The following TMEM181 variants were observed in gnomAD, a reference collection of about 807,000 sequenced individuals.
The protein encoded by TMEM181 is G protein-coupled receptor 178.
A neutral mutation model predicts 71.9 loss-of-function variants in TMEM181; 39 were observed. The observed-to-expected ratio is 0.54, with a 90% CI of 0.42 to 0.71. The LOEUF is 0.71. Ranked by LOEUF, TMEM181 falls within the 30% of genes least tolerant of loss-of-function variation. The pLI is 0.00. For missense variants in TMEM181, 595 were observed against 583.0 expected, an observed-to-expected ratio of 1.02 and a Z score of -0.21; for synonymous variants, 245 against 228.8, an observed-to-expected ratio of 1.07 and a Z score of -0.64.
chr6:158,573,469 G>C lies in TMEM181; in HGVS notation c.58G>C (p.Val20Leu). 1 of 1,605,608 alleles carries C rather than the reference G, an allele frequency of 6.2e-7. No homozygotes were observed. Among genetic ancestry groups the C allele is most frequent in the Non-Finnish European group, 8.5e-7 (1 of 1,176,150 alleles). Residue 20 changes from valine (V) to leucine (L), a missense_variant, in exon 2 of 17, where the codon GTG (valine) becomes CTG (leucine). Transcript: ENST00000684151. ...YTLSKRHFVL[V>L]FVVFFICFGL... is the part of the protein sequence containing the mutation. The stretch of plus-strand genomic sequence containing the variant: ...GCTCTCCAAGCGCCACTTTGTCCTC[G>C]TGTTTGTCGTCTTCTTCATCTGCTT...
rs1786722702 is a variant in TMEM181, at chr6:158,632,587, A to G, written c.*699A>G. The G allele has an allele frequency of 1.3e-5, 2 of 152,364 alleles. No individual in the cohort carries two copies. Among genetic ancestry groups the G allele is most frequent in the Non-Finnish European group, 1.5e-5 (1 of 68,200 alleles). 9.4% of individuals were successfully genotyped at this position (152,364 alleles called of 1,614,324 possible). ...GGCTAAGATAATTTACAGGTTACCA[A>G]CTCATGTGGGGAAGGTCTTACTGCC... is the stretch of plus-strand genomic sequence containing the variant. On this transcript the variant is annotated 3_prime_UTR_variant, in exon 17 of 17. Transcript: ENST00000684151.
chr6:158,616,640 T>C (rs1300391661), intron 10 of TMEM181, among the ~76,000 whole-genome samples: 1 of 152,202 alleles, frequency 6.6e-6, no homozygotes, highest in Non-Finnish European at 1.5e-5. Context: ...ATAGCTCTTA[T>C]TATTTTGAGA....
chr6:158,621,152 T>C (rs939979341), intron 10 of TMEM181, among the ~76,000 whole-genome samples: 7 of 152,188 alleles, frequency 4.6e-5, no homozygotes, highest in Admixed American at 1.3e-4. Context: ...ATGTGCTTAT[T>C]AGGACCCACT....
intron 6 of TMEM181, among the ~76,000 whole-genome samples, chr6:158,604,389 C>T (rs1230329726): frequency 1.3e-5 from 2 of 152,082 alleles, no homozygotes; most frequent in Non-Finnish European, 2.9e-5. Flanking sequence ...TCTATTTGTA[C>T]TGAAGTGGAT....
In TMEM181 at chr6:158,631,968, T is replaced by C; in HGVS notation, c.*80T>C. On this transcript the variant is annotated 3_prime_UTR_variant, in exon 17 of 17. Transcript: ENST00000684151. ...GTCTGCTGACCTTCCCCTGTTATAT[T>C]CAGATTTTTCTTACAAGCAGAGATT... The C allele has an allele frequency of 7.7e-7, 1 of 1,298,458 alleles. No individual in the cohort carries two copies. Among genetic ancestry groups the C allele is most frequent in the Non-Finnish European group, 1.1e-6 (1 of 931,120 alleles). 80.4% of individuals were successfully genotyped at this position (1,298,458 alleles called of 1,614,324 possible).
intron 1 of TMEM181, among the ~76,000 whole-genome samples, chr6:158,541,381 C>T (rs1306443483): frequency 6.6e-6 from 1 of 152,130 alleles, no homozygotes; most frequent in Non-Finnish European, 1.5e-5. Context: ...CATGCCATTG[C>T]ACTCCAGCCT....
At chr6:158,626,832 TCA>T (rs1319688336) in intron 13 of TMEM181, 89 of 404,168 alleles carry the variant, frequency 2.2e-4, no homozygotes, top group Admixed American at 1.2e-3. Context: ...ACACACACCT[TCA>T]CACACACCCT....
chr6:158,605,154 G>GTGTA lies in TMEM181; in HGVS notation c.493-110_493-109insATGT, dbSNP rs1554227515. ...AAAGTGTGTGTGTGTGTGTGTGTGT[G>GTGTA]TGTGTATGTGTATATATTGTCTCAT... On this transcript the variant is annotated intron_variant, in intron 6 of 16. Coordinates refer to ENST00000684151, the MANE Select transcript of TMEM181 (RefSeq NM_001376852.1). 18 of 576,480 alleles carry GTGTA rather than the reference G, an allele frequency of 3.1e-5. No homozygotes were observed. The African/African-American group carries it at 3.2e-4, about 10-fold the overall frequency. The allele number at this position is 576,480 out of a possible 1,614,324, so 35.7% of individuals were successfully genotyped here.
intron 3 of TMEM181, 86 bp downstream of exon 3, chr6:158,581,081 A>G (rs1783444148): frequency 2.3e-6 from 3 of 1,318,560 alleles, no homozygotes; most frequent in Admixed American, 1.9e-5. Context: ...TAGAGTCTTT[A>G]AGGTAGCCTT....
chr6:158,558,065 G>A (rs139789822), upstream of TMEM181, among the ~76,000 whole-genome samples: 3 of 152,326 alleles, frequency 2.0e-5, no homozygotes, highest in South Asian at 2.1e-4. Context: ...CCTGGGTGAC[G>A]CTGGACAGCA....
chr6:158,577,129 G>T (rs1461905967), intron 2 of TMEM181, among the ~76,000 whole-genome samples: 1 of 149,992 alleles, frequency 6.7e-6, no homozygotes, highest in East Asian at 1.9e-4. Context: ...GGAAAAAAAT[G>T]AAGTGTCAGA....
chr6:158,576,568 A>G (rs1277025354), intron 2 of TMEM181, among the ~76,000 whole-genome samples: 1 of 152,094 alleles, frequency 6.6e-6, no homozygotes, highest in Non-Finnish European at 1.5e-5. Flanking sequence ...AAATTTAGAA[A>G]GTCACCACAC....
chr6:158,627,113 A>T (rs1375137336), intron 13 of TMEM181, among the ~76,000 whole-genome samples: 3 of 115,456 alleles, frequency 2.6e-5, no homozygotes, highest in East Asian at 2.7e-4. Context: ...ACCCTCTCTC[A>T]CACCCTCACA....
At chr6:158,592,692 G>A (rs1462728601) in intron 6 of TMEM181, among the ~76,000 whole-genome samples, 5 of 152,096 alleles carry the variant, frequency 3.3e-5, no homozygotes, top group African/African-American at 1.2e-4. Context: ...TACCACGTTG[G>A]CCAGGCTAGT....
intron 6 of TMEM181, among the ~76,000 whole-genome samples, chr6:158,598,044 T>C (rs1784475983): frequency 6.6e-6 from 1 of 152,230 alleles, no homozygotes; most frequent in South Asian, 2.1e-4. Flanking sequence ...GTTCAGGCCA[T>C]GAGACCACTC....
chr6:158,595,582 G>C (rs1258776069), intron 6 of TMEM181, among the ~76,000 whole-genome samples: 4 of 152,176 alleles, frequency 2.6e-5, no homozygotes, highest in Admixed American at 2.0e-4. Flanking sequence ...TCATATAATG[G>C]AATACTATAT....
chr6:158,559,969 C>CGGGGCCACGAAGG (rs1554301995), upstream of TMEM181: 4 of 836,070 alleles, frequency 4.8e-6, no homozygotes, highest in Non-Finnish European at 5.8e-6. Flanking sequence ...CGCCCCGGCA[C>CGGGGCCACGAAGG]GGGGCCACGA....
intron 10 of TMEM181, chr6:158,611,396 C>T (rs774752671): frequency 9.3e-6 from 5 of 537,834 alleles, no homozygotes; most frequent in Non-Finnish European, 1.5e-5. Flanking sequence ...CCTGGTTAGC[C>T]TCCAGGTAGA....
At chr6:158,554,511 C>T (rs777034672) in intron 1 of TMEM181, among the ~76,000 whole-genome samples, 4 of 152,218 alleles carry the variant, frequency 2.6e-5, no homozygotes, top group Non-Finnish European at 4.4e-5. Flanking sequence ...TGAGCCACTT[C>T]GCCTGGCCAA....
Sources: allele counts gnomAD v4.1 joint callset (sites outside exome capture counted in the v4.1 genomes callset), GRCh38; gene constraint gnomAD v4.1.1; transcripts MANE v1.5; gene names NCBI Gene and HGNC (gene_info 2026-07-23, HGNC 2026-07-21).